Variants in PTPRD observed in about 807,000 individuals in gnomAD.
PTPRD encodes protein tyrosine phosphatase receptor type D, also known as receptor-type tyrosine-protein phosphatase delta.
A neutral mutation model predicts 214.5 loss-of-function variants in PTPRD; 34 were observed. The ratio of observed to expected loss-of-function variants is 0.16; its 90% CI spans 0.12 to 0.21. The LOEUF is 0.21. PTPRD is among the 10% of genes least tolerant of loss of function. The pLI, the probability that PTPRD is intolerant of heterozygous loss-of-function variation, is 1.00. For synonymous variants in PTPRD, 1,128 were observed against 845.7 expected (o/e 1.33, Z -5.79); for missense variants, 2,545 against 2,398.7 (o/e 1.06, Z -1.27).
intron 4 of PTPRD, among the ~76,000 whole-genome samples, chr9:9,962,028 G>T (rs2094399640): frequency 6.6e-6 from 1 of 152,044 alleles, no homozygotes; most frequent in African/African-American, 2.4e-5. Context: ...TCAGGTAGAA[G>T]AAAATAATCC....
intron 11 of PTPRD, among the ~76,000 whole-genome samples, chr9:8,837,539 G>C (rs1452230758): frequency 6.6e-6 from 1 of 150,484 alleles, no homozygotes; most frequent in African/African-American, 2.5e-5. Context: ...GTCTCACTCT[G>C]TTGCCCAGAC....
At chr9:10,587,770 T>C (rs901239326) in intron 2 of PTPRD, among the ~76,000 whole-genome samples, 4 of 152,058 alleles carry the variant, frequency 2.6e-5, no homozygotes, top group South Asian at 2.1e-4. Flanking sequence ...ACTGAAGATA[T>C]AGTCTATTCC....
At chr9:8,441,184 C>T (rs1179608507) in intron 34 of PTPRD, among the ~76,000 whole-genome samples, 1 of 152,082 alleles carries the variant, frequency 6.6e-6, no homozygotes, top group Non-Finnish European at 1.5e-5. Context: ...GCTTTTGTGT[C>T]TCTACTTTGA....
At chr9:9,859,062 G>A (rs1010273212) in intron 5 of PTPRD, among the ~76,000 whole-genome samples, 14 of 152,170 alleles carry the variant, frequency 9.2e-5, no homozygotes, top group Admixed American at 2.6e-4. Context: ...TGCTGTTCTC[G>A]TGACAGTGAG....
rs973037851 is a variant in PTPRD at position 8,733,771 on chromosome 9, A to G, written c.64+9T>C. The G allele has an allele frequency of 1.2e-5, 18 of 1,552,082 alleles. No individual in the cohort carries two copies. The highest frequency in any genetic ancestry group is 1.5e-5 in the Non-Finnish European group (17 of 1,147,184). On this transcript the variant is annotated intron_variant, in intron 12 of 45. Transcript: ENST00000381196. ...TCACAGCCCCCTAGAGAAGGGGAGA[A>G]TGGCTTACTCTCAGCATCCGTGCGG...
intron 11 of PTPRD, among the ~76,000 whole-genome samples, chr9:8,811,558 G>C (rs1050254362): frequency 2.0e-5 from 3 of 152,024 alleles, no homozygotes; most frequent in Admixed American, 1.3e-4. Flanking sequence ...CTAAGGAACA[G>C]AACAATCATT....
At position 10,027,619 on chromosome 9, in the gene PTPRD, G is replaced by A. The variant is rs77960994; in HGVS notation, c.-472+6099C>T. On this transcript the variant is annotated intron_variant, in intron 4 of 45. Coordinates refer to ENST00000381196, the MANE Select transcript of PTPRD (RefSeq NM_002839.4). ...TGTTATAACAATATATGGCACATAA[G>A]GTTATTCTCCTTTATACTGCCTATT... 4.2e-3 allele frequency among the ~76,000 whole-genome samples: 637 copies of A among 152,224 alleles called. 3 individuals carry two copies. The highest frequency in any genetic ancestry group is 6.9e-3 in the Non-Finnish European group (471 of 68,010).
chr9:10,517,186 T>C (rs1010667991), intron 2 of PTPRD, among the ~76,000 whole-genome samples: 5 of 152,138 alleles, frequency 3.3e-5, no homozygotes, highest in African/African-American at 1.2e-4. Flanking sequence ...GTATCCAGTA[T>C]CCCAATTCAT....
chr9:10,165,562 G>A (rs1395286821), intron 3 of PTPRD, among the ~76,000 whole-genome samples: 2 of 151,686 alleles, frequency 1.3e-5, no homozygotes, highest in Non-Finnish European at 3.0e-5. Context: ...CTAGTAAAAT[G>A]TTTTGTTTAG....
chr9:10,526,487 A>G (rs1466057086), intron 2 of PTPRD, among the ~76,000 whole-genome samples: 2 of 152,086 alleles, frequency 1.3e-5, no homozygotes, highest in Non-Finnish European at 2.9e-5. Flanking sequence ...AAGGATGTAC[A>G]TGTTTTAAAA....
chr9:8,846,067 G>A lies in PTPRD; in HGVS notation c.-103-112121C>T, dbSNP rs148527093. Among the ~76,000 whole-genome samples the A allele has an allele frequency of 7.2e-5, 11 of 152,278 alleles. No individual in the cohort carries two copies. In the East Asian group the frequency reaches 2.1e-3, roughly 29 times the overall value. Reference sequence around the variant, plus strand: ...AATTGCTACCACAGCCAGATGTAAAGGCAGATTTGTCTTGTCTAGTGGCAT... The same window carrying A: ...AATTGCTACCACAGCCAGATGTAAAAGCAGATTTGTCTTGTCTAGTGGCAT... On this transcript the variant is annotated intron_variant, in intron 11 of 45. Coordinates refer to ENST00000381196, the MANE Select transcript of PTPRD (RefSeq NM_002839.4).
chr9:9,040,644 A>G lies in PTPRD; in HGVS notation c.-142-21909T>C, dbSNP rs566923082. Among the ~76,000 whole-genome samples, 6 of 152,280 alleles carry G rather than the reference A, an allele frequency of 3.9e-5. No individual in the cohort carries two copies. The South Asian group carries it at 1.2e-3, about 32-fold the overall frequency. ...AAATGTTGTACTTTGAAATCATTGT[A>G]GCAAGAACATATTTTAGAATTTCTA... On this transcript the variant is annotated intron_variant, in intron 10 of 45. Coordinates refer to ENST00000381196, the MANE Select transcript of PTPRD (RefSeq NM_002839.4).
chr9:8,967,084 C>G (rs1241772326), intron 11 of PTPRD, among the ~76,000 whole-genome samples: 1 of 151,634 alleles, frequency 6.6e-6, no homozygotes, highest in Non-Finnish European at 1.5e-5. Context: ...CAAATCAAAA[C>G]CACAGTGAGA....
At chr9:9,070,959 A>G (rs1290495890) in intron 10 of PTPRD, among the ~76,000 whole-genome samples, 1 of 152,082 alleles carries the variant, frequency 6.6e-6, no homozygotes, top group Non-Finnish European at 1.5e-5. Flanking sequence ...GCTGGAGTGC[A>G]GGCTGTAGTG....
At chr9:8,420,811 T>A (rs1213794656) in intron 35 of PTPRD, among the ~76,000 whole-genome samples, 2 of 120,326 alleles carry the variant, frequency 1.7e-5, no homozygotes, top group Non-Finnish European at 3.6e-5. Flanking sequence ...TTCTTTTTTT[T>A]TTTTTTTAAA....
At chr9:8,585,715 T>G (rs1365208228) in intron 14 of PTPRD, among the ~76,000 whole-genome samples, 1 of 152,212 alleles carries the variant, frequency 6.6e-6, no homozygotes, top group East Asian at 1.9e-4. Context: ...CTGCCATGTG[T>G]GAAAGTTATT....
At chr9:9,406,400 A>G (rs10739189) in intron 8 of PTPRD, among the ~76,000 whole-genome samples, 132,440 of 151,856 alleles carry the variant, frequency 0.87, 57,922 homozygotes, top group African/African-American at 0.9. Context: ...AGAAAGTAAG[A>G]GATAGAAGAA....
intron 37 of PTPRD, among the ~76,000 whole-genome samples, chr9:8,378,383 G>A (rs2083893363): frequency 6.6e-6 from 1 of 151,594 alleles, no homozygotes; most frequent in Non-Finnish European, 1.5e-5. Context: ...GCTACCATCT[G>A]AATAGAACCA....
intron 9 of PTPRD, among the ~76,000 whole-genome samples, chr9:9,352,890 TC>T (rs570081506): frequency 7.8e-4 from 118 of 152,102 alleles, no homozygotes; most frequent in African/African-American, 2.5e-3. Context: ...GTTTGAGTGT[TC>T]ACTCAGTGTT....
Sources: allele counts gnomAD v4.1 joint callset (sites outside exome capture counted in the v4.1 genomes callset), GRCh38; gene constraint gnomAD v4.1.1; transcripts MANE v1.5; gene names NCBI Gene and HGNC (gene_info 2026-07-23, HGNC 2026-07-21).